The following NEU3 variants were observed in gnomAD, a reference collection of about 807,000 sequenced individuals.
NEU3 encodes the protein sialidase-3.
A neutral mutation model predicts 11.4 loss-of-function variants in NEU3; 10 were observed. The observed-to-expected ratio is 0.88, with a 90% CI of 0.54 to 1.49. The LOEUF (loss-of-function observed/expected upper bound fraction) is 1.49, where lower values mean the gene tolerates loss of function less well. Ranked by LOEUF, NEU3 falls within the 40% of genes most tolerant of loss-of-function variation. The probability of loss-of-function intolerance (pLI) is 0.00; values close to 1 mark genes in which losing one functional copy is unlikely to be tolerated. For synonymous variants in NEU3, 212 were observed against 228.2 expected, an observed-to-expected ratio of 0.93 and a Z score of 0.64; for missense variants, 529 against 581.8, an observed-to-expected ratio of 0.91 and a Z score of 0.93.
At chr11:74,989,831 T>C (rs1948710889) in intron 1 of NEU3, 1 of 626,394 alleles carries the variant, frequency 1.6e-6, no homozygotes, top group Admixed American at 2.5e-5. Context: ...GGCTATACTC[T>C]CTCCCAGTAA....
At chr11:75,019,186 T>G (rs2140261332), downstream of NEU3, among the ~76,000 whole-genome samples, 1 of 152,232 alleles carries the variant, frequency 6.6e-6, no homozygotes, top group East Asian at 1.9e-4. Flanking sequence ...GCCTGACAAT[T>G]TGATAAAAAA....
At chr11:74,986,088 A>G (rs34132478), upstream of NEU3, among the ~76,000 whole-genome samples, 66 of 152,332 alleles carry the variant, frequency 4.3e-4, no homozygotes, top group East Asian at 0.012. Context: ...CACAAGTACC[A>G]TTCTCTCTGT....
intron 1 of NEU3, chr11:74,990,035 G>A (rs1319401869): frequency 1.1e-5 from 8 of 702,068 alleles, no homozygotes; most frequent in South Asian, 3.0e-5. Flanking sequence ...TCATCAACAC[G>A]ATCAGCATAA....
chr11:75,012,291 A>G (rs1948961024), downstream of NEU3, among the ~76,000 whole-genome samples: 1 of 152,204 alleles, frequency 6.6e-6, no homozygotes, highest in Non-Finnish European at 1.5e-5. Flanking sequence ...CAGTCAACAA[A>G]GCTGCATGGT....
At chr11:74,997,630 G>C (rs1361182904) in intron 2 of NEU3, among the ~76,000 whole-genome samples, 1 of 150,854 alleles carries the variant, frequency 6.6e-6, no homozygotes, top group African/African-American at 2.4e-5. Flanking sequence ...CGGATCACGA[G>C]GTCAGGAGTT....
Position 75,005,967 on chromosome 11 carries a change from G to T in NEU3, c.861G>T (p.Ala287=), listed in dbSNP as rs1360862810. 1.9e-6 allele frequency: 3 copies of T among 1,613,708 alleles called. No individual in the cohort carries two copies. The highest frequency in any genetic ancestry group is 1.1e-5 in the South Asian group (1 of 91,086). ...CACCAAACAGGTGCCGGGCAGAGGC[G>T]CTCAGCACTGACCATGGTGAAGGCT... ...ARTPNRCRAE[A]LSTDHGEGFQ... The change falls in exon 3 of 3, where the codon GCG becomes GCT. Residue 287 remains alanine, a synonymous_variant. Coordinates refer to ENST00000294064, the MANE Select transcript of NEU3 (RefSeq NM_006656.6).
chr11:74,997,862 CAA>C (rs56167951), intron 2 of NEU3, among the ~76,000 whole-genome samples: 64 of 147,368 alleles, frequency 4.3e-4, no homozygotes, highest in Admixed American at 5.4e-4. Flanking sequence ...GACTCTGTTT[CAA>C]AAAAAAAAAA....
chr11:74,997,690 C>CAAAA (rs35900546), intron 2 of NEU3, among the ~76,000 whole-genome samples: 45 of 97,690 alleles, frequency 4.6e-4, no homozygotes, highest in African/African-American at 1.8e-3. Flanking sequence ...CTAAAAATAC[C>CAAAA]AAAAAAAAAA....
chr11:74,996,027 C>T (rs1948787377), intron 2 of NEU3, among the ~76,000 whole-genome samples: 1 of 151,956 alleles, frequency 6.6e-6, no homozygotes, highest in Non-Finnish European at 1.5e-5. Context: ...TAGTGGCACA[C>T]ATCTGTAGTG....
intron 2 of NEU3, among the ~76,000 whole-genome samples, chr11:74,999,030 G>T (rs1948818643): frequency 6.6e-6 from 1 of 152,104 alleles, no homozygotes; most frequent in South Asian, 2.1e-4. Flanking sequence ...GCCTAGGCTG[G>T]TCTTGAACTC....
At chr11:74,981,506 G>T in the NEU3 span, among the ~76,000 whole-genome samples, 1 of 152,148 alleles carries the variant, frequency 6.6e-6, no homozygotes, top group African/African-American at 2.4e-5. Context: ...CAAGCTGGGG[G>T]TCTGCATATG....
intron 2 of NEU3, among the ~76,000 whole-genome samples, chr11:75,000,254 A>G (rs1239989449): frequency 6.6e-6 from 1 of 152,214 alleles, no homozygotes; most frequent in Non-Finnish European, 1.5e-5. Flanking sequence ...AAATACATCT[A>G]ACATAAATTT....
chr11:74,989,921 C>CATTTA, intron 1 of NEU3: 1 of 697,394 alleles, frequency 1.4e-6, no homozygotes, highest in Non-Finnish European at 2.6e-6. Context: ...AAATGAACCC[C>CATTTA]AGAGCAGGCC....
downstream of NEU3, among the ~76,000 whole-genome samples, chr11:75,019,800 A>T (rs1948996085): frequency 6.6e-6 from 1 of 152,280 alleles, no homozygotes; most frequent in Admixed American, 6.5e-5. Flanking sequence ...GTGGGGTTGG[A>T]GCCCCCACAC....
chr11:74,995,148 G>A, intron 2 of NEU3: 1 of 442,538 alleles, frequency 2.3e-6, no homozygotes, highest in South Asian at 5.3e-5. Context: ...AGTAAGCATT[G>A]GTAGTCCAGT....
chr11:74,995,083 C>T (rs1246454346), intron 2 of NEU3: 14 of 535,800 alleles, frequency 2.6e-5, no homozygotes, highest in Admixed American at 1.3e-4. Context: ...ATTCAGCTAA[C>T]GTATGATGTG....
chr11:74,994,444 C>A, intron 1 of NEU3, 65 bp from the exon 2 acceptor site: 2 of 1,314,372 alleles, frequency 1.5e-6, no homozygotes, highest in South Asian at 3.1e-5. Context: ...AATGATGAAG[C>A]AGAATTTATA....
Position 75,005,882 on chromosome 11 carries a change from G to C in NEU3, c.776G>C (p.Cys259Ser), listed in dbSNP as rs1347414913. The C allele has an allele frequency of 5.6e-6, 9 of 1,613,780 alleles. No homozygotes were observed. Among genetic ancestry groups the C allele is most frequent in the Non-Finnish European group, 7.6e-6 (9 of 1,179,884 alleles). Residue 259 changes from cysteine (C) to serine (S), a missense_variant, in exon 3 of 3, where the codon TGT becomes TCT. Cys to Ser is a moderately radical substitution (Grantham distance 112, BLOSUM62 -1). Coordinates refer to ENST00000294064, the MANE Select transcript of NEU3 (RefSeq NM_006656.6). ...RLIRPMVTVECEVAEVTGRAG... is the reference protein window; with the variant it reads ...RLIRPMVTVESEVAEVTGRAG... ...ATTAGGCCCATGGTTACAGTAGAAT[G>C]TGAAGTGGCAGAGGTGACTGGGAGG...
chr11:75,011,907 T>G (rs1289349733), downstream of NEU3, among the ~76,000 whole-genome samples: 2 of 152,158 alleles, frequency 1.3e-5, no homozygotes, highest in Non-Finnish European at 2.9e-5. Flanking sequence ...GAATCCCCAC[T>G]TGCTCATTGC....
Sources: allele counts gnomAD v4.1 joint callset (sites outside exome capture counted in the v4.1 genomes callset), GRCh38; gene constraint gnomAD v4.1.1; transcripts MANE v1.5; gene names NCBI Gene and HGNC (gene_info 2026-07-23, HGNC 2026-07-21).